Variants in CERS3 observed in about 807,000 individuals in gnomAD.
CERS3 encodes ceramide synthase 3.
A neutral mutation model predicts 50.3 loss-of-function variants in CERS3; 33 were observed. The observed-to-expected ratio is 0.66, with a 90% CI of 0.50 to 0.88. The LOEUF is 0.88. Ranked by LOEUF, CERS3 falls within the 40% of genes least tolerant of loss-of-function variation. The pLI, the probability that CERS3 is intolerant of heterozygous loss-of-function variation, is 0.00. For missense variants in CERS3, 470 were observed against 460.3 expected, an observed-to-expected ratio of 1.02 and a Z score of -0.19; for synonymous variants, 176 against 155.2, an observed-to-expected ratio of 1.13 and a Z score of -0.99.
chr15:100,452,395 C>G (rs2034204782), intron 11 of CERS3, among the ~76,000 whole-genome samples: 1 of 152,002 alleles, frequency 6.6e-6, no homozygotes, highest in Admixed American at 6.6e-5. Flanking sequence ...AAAACATGCT[C>G]CAAAATGACC....
chr15:100,540,408 G>T (rs2037172461), intron 1 of CERS3, among the ~76,000 whole-genome samples: 1 of 152,158 alleles, frequency 6.6e-6, no homozygotes, highest in Non-Finnish European at 1.5e-5. Flanking sequence ...GCCGGGCGTG[G>T]TGACAGGCGC....
In CERS3 at chr15:100,431,149, T is replaced by C. The variant is rs557534170; in HGVS notation, c.999+24744A>G. 1.9e-4 allele frequency among the ~76,000 whole-genome samples: 29 copies of C among 152,300 alleles called. No homozygotes were observed. The South Asian group carries it at 5.6e-3, about 29-fold the overall frequency. On this transcript the variant is annotated intron_variant, in intron 11 of 11. Coordinates refer to ENST00000679737, the MANE Select transcript of CERS3 (RefSeq NM_001378789.1). ...AAACCCTCTCTGGATTGCTACTCTT[T>C]GTGAAAAGAAAAAGTTGCAGCAGAG...
intron 2 of CERS3, among the ~76,000 whole-genome samples, chr15:100,513,685 G>A (rs1313595380): frequency 1.3e-5 from 2 of 151,808 alleles, no homozygotes; most frequent in Non-Finnish European, 1.5e-5. Context: ...CCACAGGCAT[G>A]CACTACCACA....
At chr15:100,426,796 C>T (rs2142106275) in intron 11 of CERS3, among the ~76,000 whole-genome samples, 1 of 152,298 alleles carries the variant, frequency 6.6e-6, no homozygotes, top group East Asian at 1.9e-4. Context: ...AGTCTCCTCC[C>T]CTTAACACCA....
At chr15:100,430,906 C>T (rs759099597) in intron 11 of CERS3, among the ~76,000 whole-genome samples, 4 of 152,134 alleles carry the variant, frequency 2.6e-5, no homozygotes, top group Non-Finnish European at 5.9e-5. Context: ...TACGCGTGGC[C>T]GTTTTCCTTT....
At chr15:100,507,287 A>C (rs1340272302) in intron 2 of CERS3, among the ~76,000 whole-genome samples, 1 of 152,198 alleles carries the variant, frequency 6.6e-6, no homozygotes, top group Non-Finnish European at 1.5e-5. Context: ...CTTGAAGATA[A>C]GGGTGGTCAT....
At chr15:100,527,385 G>A (rs115246520) in intron 1 of CERS3, among the ~76,000 whole-genome samples, 2,833 of 152,254 alleles carry the variant, frequency 0.019, 91 homozygotes, top group African/African-American at 0.065. Flanking sequence ...TGTCTTTCTA[G>A]TCAATGTTCT....
chr15:100,462,778 T>C (rs367639741), intron 10 of CERS3, among the ~76,000 whole-genome samples: 1 of 152,336 alleles, frequency 6.6e-6, no homozygotes, highest in East Asian at 1.9e-4. Context: ...TAAGCAACTG[T>C]TCCAGATGAA....
chr15:100,418,015 G>A (rs1353078146), intron 11 of CERS3, among the ~76,000 whole-genome samples: 1 of 152,088 alleles, frequency 6.6e-6, no homozygotes. Flanking sequence ...ACTCTAAAAC[G>A]CAGAGCACCT....
In CERS3 at chr15:100,539,451, A is replaced by G. The variant is rs200434823; in HGVS notation, c.-355+5200T>C. ...TGGTTTAACTGACTCACAGTTTGGC[A>G]TGGCTGGGAAGGCCTCAGGAAAGTT... On this transcript the variant is annotated intron_variant, in intron 1 of 12. Coordinates refer to the CERS3 transcript ENST00000284382. Among the ~76,000 whole-genome samples, 218 of 152,346 alleles carry G rather than the reference A, an allele frequency of 1.4e-3. 1 individual carries two copies. Among genetic ancestry groups the G allele is most frequent in the Admixed American group, 0.01 (160 of 15,306 alleles).
chr15:100,416,893 C>T (rs556938158), intron 11 of CERS3, among the ~76,000 whole-genome samples: 1 of 152,090 alleles, frequency 6.6e-6, no homozygotes, highest in Non-Finnish European at 1.5e-5. Context: ...AACAACCAAC[C>T]ACATTAAAAA....
At chr15:100,444,033 T>C (rs1251618431) in intron 11 of CERS3, among the ~76,000 whole-genome samples, 2 of 152,186 alleles carry the variant, frequency 1.3e-5, no homozygotes. Flanking sequence ...TACACACAGC[T>C]GAAGTGCAGG....
chr15:100,470,544 G>A (rs1237943538), intron 9 of CERS3, among the ~76,000 whole-genome samples: 1 of 152,132 alleles, frequency 6.6e-6, no homozygotes, highest in Non-Finnish European at 1.5e-5. Flanking sequence ...TGGGAGGCTG[G>A]TGGAAGGATC....
chr15:100,416,440 T>A (rs8026974), intron 11 of CERS3, among the ~76,000 whole-genome samples: 87,294 of 151,994 alleles, frequency 0.57, 25,291 homozygotes, highest in Non-Finnish European at 0.6. Flanking sequence ...AGAATGGGAG[T>A]AAATATTTGC....
chr15:100,535,090 C>T (rs533006306), intron 1 of CERS3, among the ~76,000 whole-genome samples: 3 of 152,278 alleles, frequency 2.0e-5, no homozygotes, highest in Admixed American at 2.0e-4. Flanking sequence ...TCTTCAGGAC[C>T]TCCTGAGGCT....
At chr15:100,524,208 A>C (rs1047635462) in intron 1 of CERS3, among the ~76,000 whole-genome samples, 21 of 152,210 alleles carry the variant, frequency 1.4e-4, no homozygotes, top group Admixed American at 6.5e-5. Context: ...AATGAAATAG[A>C]AAACAATACC....
At chr15:100,430,262 A>C (rs1223902792) in intron 11 of CERS3, among the ~76,000 whole-genome samples, 1 of 151,962 alleles carries the variant, frequency 6.6e-6, no homozygotes, top group Non-Finnish European at 1.5e-5. Flanking sequence ...CAGTGAGCCG[A>C]GATCACGCCA....
chr15:100,540,185 G>A (rs1391845011), intron 1 of CERS3, among the ~76,000 whole-genome samples: 1 of 152,052 alleles, frequency 6.6e-6, no homozygotes, highest in Non-Finnish European at 1.5e-5. Context: ...CTTGGCTCAG[G>A]CCCCATCTGT....
intron 11 of CERS3, among the ~76,000 whole-genome samples, chr15:100,419,597 A>G (rs971718577): frequency 8.2e-5 from 12 of 146,456 alleles, no homozygotes; most frequent in Non-Finnish European, 1.4e-4. Flanking sequence ...AGACATCTAC[A>G]GAACTCTCCA....
Sources: gnomAD v4.1 joint callset for allele counts (sites outside exome capture counted in the v4.1 genomes callset) on GRCh38, gnomAD v4.1.1 for gene constraint, MANE v1.5 for transcripts, NCBI Gene and HGNC (gene_info 2026-07-23, HGNC 2026-07-21) for gene names.